PRSS3: variants seen among roughly 807,000 people sequenced by gnomAD.
PRSS3 encodes serine protease 3, also known as trypsin-3.
A neutral mutation model predicts 20.8 loss-of-function variants in PRSS3; 14 were observed. The ratio of observed to expected loss-of-function variants is 0.67; its 90% CI spans 0.44 to 1.05. The LOEUF is 1.05. Among genes scored for constraint, PRSS3 ranks in the 50% least tolerant of loss-of-function variants. PRSS3 has a pLI of 0.00. For synonymous variants in PRSS3, 91 were observed against 117.6 expected (o/e 0.77, Z 1.46); for missense variants, 237 against 306.4 (o/e 0.77, Z 1.69).
chr9:33,761,404 G>A (rs920987437), intron 1 of PRSS3, among the ~76,000 whole-genome samples: 2 of 152,162 alleles, frequency 1.3e-5, no homozygotes, highest in Non-Finnish European at 1.5e-5. Context: ...TGGAAAACAT[G>A]CATTAAACAT....
At chr9:33,760,181 GT>G (rs57890145) in intron 1 of PRSS3, among the ~76,000 whole-genome samples, 53,003 of 139,272 alleles carry the variant, frequency 0.38, 9,300 homozygotes, top group East Asian at 0.56. Context: ...TATATGTAAG[GT>G]TTTTTTTTTT....
At chr9:33,790,201 CAAAATA>C (rs531778074) in intron 1 of PRSS3, among the ~76,000 whole-genome samples, 8 of 152,058 alleles carry the variant, frequency 5.3e-5, no homozygotes, top group Non-Finnish European at 7.4e-5. Flanking sequence ...TGCATATTAT[CAAAATA>C]AAAAGTCAAA....
chr9:33,777,357 A>G (rs1823976155), intron 1 of PRSS3, among the ~76,000 whole-genome samples: 2 of 151,962 alleles, frequency 1.3e-5, no homozygotes, highest in African/African-American at 4.8e-5. Context: ...GAAGAAATGA[A>G]GAGCACAAGA....
intron 1 of PRSS3, among the ~76,000 whole-genome samples, chr9:33,779,027 A>T (rs1824064309): frequency 6.6e-6 from 1 of 152,226 alleles, no homozygotes. Flanking sequence ...GAATTCACCC[A>T]CATATGCGGA....
intron 1 of PRSS3, among the ~76,000 whole-genome samples, chr9:33,757,434 A>G (rs117082233): frequency 0.038 from 5,720 of 151,752 alleles, 148 homozygotes; most frequent in Non-Finnish European, 0.054. Context: ...TTTCCCTTGT[A>G]CAGCCCCACA....
chr9:33,750,917 G>A lies in PRSS3; in HGVS notation c.-53+190G>A. On this transcript the variant is annotated intron_variant, in intron 1 of 5. Transcript: ENST00000342836. The surrounding 1 kb of genome is among the most constrained non-coding windows in gnomAD (Gnocchi z 4.8). ...AGGGACAGGGATGGAGGCTCCTCTAGGGGAGGACGGGAGGGGATGGAGGGC... is the reference window on the plus strand; with the variant it reads ...AGGGACAGGGATGGAGGCTCCTCTAAGGGAGGACGGGAGGGGATGGAGGGC... The A allele has an allele frequency of 7.7e-7, 1 of 1,295,588 alleles. No individual in the cohort carries two copies. Among genetic ancestry groups the A allele is most frequent in the Non-Finnish European group, 9.8e-7 (1 of 1,016,234 alleles). The allele number at this position is 1,295,588 out of a possible 1,614,324, so 80.3% of individuals were successfully genotyped here.
intron 1 of PRSS3, among the ~76,000 whole-genome samples, chr9:33,778,534 A>T (rs1824039324): frequency 6.6e-6 from 1 of 152,210 alleles, no homozygotes; most frequent in South Asian, 2.1e-4. Flanking sequence ...TATATTTTGT[A>T]TACTAATGGT....
intron 4 of PRSS3, 40 bp downstream of exon 4, chr9:33,798,662 C>A (rs749183663): frequency 1.2e-6 from 2 of 1,613,608 alleles, no homozygotes; most frequent in Non-Finnish European, 1.7e-6. Flanking sequence ...CCCACCGATA[C>A]CCAGGCCCCA....
upstream of PRSS3, among the ~76,000 whole-genome samples, chr9:33,793,081 C>T (rs1054218343): frequency 1.3e-5 from 2 of 152,256 alleles, no homozygotes; most frequent in African/African-American, 2.4e-5. Context: ...GAAAGCTGAC[C>T]TCAGACTATA....
intron 1 of PRSS3, among the ~76,000 whole-genome samples, chr9:33,751,677 T>G (rs1042512622): frequency 3.9e-5 from 6 of 152,228 alleles, no homozygotes; most frequent in African/African-American, 1.4e-4. Context: ...CAAACAGATC[T>G]GCCTACAGCA....
At chr9:33,787,393 C>A (rs1397758026) in intron 1 of PRSS3, among the ~76,000 whole-genome samples, 1 of 152,148 alleles carries the variant, frequency 6.6e-6, no homozygotes, top group East Asian at 1.9e-4. Flanking sequence ...ACCTTCTATA[C>A]TGGTGAGTTT....
At chr9:33,775,830 G>A (rs963872007) in intron 1 of PRSS3, among the ~76,000 whole-genome samples, 1 of 151,054 alleles carries the variant, frequency 6.6e-6, no homozygotes, top group East Asian at 2.0e-4. Flanking sequence ...AGCCTCCCAA[G>A]TTGCTGAGAT....
intron 1 of PRSS3, among the ~76,000 whole-genome samples, chr9:33,751,469 G>A (rs1822696826): frequency 6.6e-6 from 1 of 152,198 alleles, no homozygotes; most frequent in Admixed American, 6.5e-5. Flanking sequence ...CAGCCCTAGA[G>A]GGAAGAAAGA....
At chr9:33,786,386 A>G in intron 1 of PRSS3, 1 of 650,816 alleles carries the variant, frequency 1.5e-6, no homozygotes, top group Non-Finnish European at 2.7e-6. Flanking sequence ...AAGGACCATA[A>G]CAGAGTAATT....
At chr9:33,781,918 C>A (rs1035689522) in intron 1 of PRSS3, among the ~76,000 whole-genome samples, 2 of 152,190 alleles carry the variant, frequency 1.3e-5, no homozygotes, top group African/African-American at 4.8e-5. Context: ...CTGCCCACCC[C>A]AGACTTGGTT....
chr9:33,766,390 G>T (rs930549078), intron 1 of PRSS3, among the ~76,000 whole-genome samples: 1 of 150,998 alleles, frequency 6.6e-6, no homozygotes, highest in African/African-American at 2.4e-5. Flanking sequence ...TGGCTAACAC[G>T]GTGAAACCCC....
chr9:33,754,020 G>A (rs1238983738), intron 1 of PRSS3, among the ~76,000 whole-genome samples: 1 of 151,946 alleles, frequency 6.6e-6, no homozygotes, highest in Non-Finnish European at 1.5e-5. Flanking sequence ...GAAGAGTCTT[G>A]TCTTGTCTTG....
chr9:33,788,997 T>G (rs1373038935), intron 1 of PRSS3, among the ~76,000 whole-genome samples: 1 of 152,324 alleles, frequency 6.6e-6, no homozygotes, highest in East Asian at 1.9e-4. Flanking sequence ...TTCTAGAAAA[T>G]CCACTTGGGT....
intron 3 of PRSS3, 74 bp from the exon 4 acceptor site, chr9:33,798,412 A>G: frequency 6.3e-7 from 1 of 1,591,770 alleles, no homozygotes; most frequent in Non-Finnish European, 8.6e-7. Context: ...TCAATGTTCC[A>G]TCCCAGATTA....
Sources: allele counts gnomAD v4.1 joint callset (sites outside exome capture counted in the v4.1 genomes callset), GRCh38; gene constraint gnomAD v4.1.1; non-coding constraint Gnocchi (gnomAD v3.1); transcripts MANE v1.5; gene names NCBI Gene and HGNC (gene_info 2026-07-23, HGNC 2026-07-21).